PKHD1L1: variants seen among roughly 807,000 people sequenced by gnomAD.
PKHD1L1 encodes the protein PKHD1 like 1, also known as fibrocystin-L.
A neutral mutation model predicts 462.9 loss-of-function variants in PKHD1L1; 434 were observed. That is an observed-to-expected ratio of 0.94 (90% CI 0.87 to 1.02). The LOEUF is 1.02. Ranked by LOEUF, PKHD1L1 falls within the 50% of genes least tolerant of loss-of-function variation. The probability of loss-of-function intolerance (pLI) is 0.00; values close to 1 mark genes in which losing one functional copy is unlikely to be tolerated. For missense variants in PKHD1L1, 5,202 were observed against 5,096.1 expected, an observed-to-expected ratio of 1.02 and a Z score of -0.63; for synonymous variants, 1,781 against 1,750.0, an observed-to-expected ratio of 1.02 and a Z score of -0.44.
chr8:109,435,147 A>G lies in PKHD1L1; in HGVS notation c.3341-43A>G, dbSNP rs1181901110. ...AGCATAACTTTTATCTCATAAAACC[A>G]TTTGATTTACCATTTTCTTCATCTT... On this transcript the variant is annotated intron_variant, in intron 28 of 77. Coordinates refer to ENST00000378402, the MANE Select transcript of PKHD1L1 (RefSeq NM_177531.6). The G allele has an allele frequency of 6.9e-6, 11 of 1,604,580 alleles. No homozygotes were observed. In the East Asian group the frequency reaches 1.8e-4, roughly 26 times the overall value.
intron 68 of PKHD1L1, among the ~76,000 whole-genome samples, chr8:109,506,487 C>G (rs1461470831): frequency 6.6e-6 from 1 of 152,168 alleles, no homozygotes; most frequent in Non-Finnish European, 1.5e-5. Context: ...TCTTCTCCCC[C>G]TTTTGAGAGG....
intron 9 of PKHD1L1, among the ~76,000 whole-genome samples, chr8:109,392,091 T>A (rs1812739059): frequency 6.6e-6 from 1 of 152,198 alleles, no homozygotes; most frequent in Non-Finnish European, 1.5e-5. Context: ...TACATACGAC[T>A]TGATAAGACA....
chr8:109,452,686 T>C, intron 42 of PKHD1L1, 32 bp from the exon 43 acceptor site: 1 of 1,347,322 alleles, frequency 7.4e-7, no homozygotes, highest in Non-Finnish European at 9.6e-7. Flanking sequence ...GTAAAATCCC[T>C]AAATTTTAAG....
At position 109,381,242 on chromosome 8, in the gene PKHD1L1, G is replaced by T; in HGVS notation, c.164-128G>T. 6 of 818,628 alleles carry T rather than the reference G, an allele frequency of 7.3e-6. No homozygotes were observed. In the South Asian group the frequency reaches 1.1e-4, roughly 14 times the overall value. The allele number at this position is 818,628 out of a possible 1,614,324, so 50.7% of individuals were successfully genotyped here. A position where few individuals can be genotyped will look rare whatever the true frequency, so the allele number is the denominator to read the frequency against. On this transcript the variant is annotated intron_variant, in intron 2 of 77. Transcript: ENST00000378402. ...AGATTACAATCATAAGGATAAATAT[G>T]AAATAGGTTCACTGCTTCAGTAATG... is the stretch of plus-strand genomic sequence containing the variant.
chr8:109,490,877 TA>T, intron 60 of PKHD1L1, 94 bp from the exon 61 acceptor site: 1 of 1,132,826 alleles, frequency 8.8e-7, no homozygotes, highest in Non-Finnish European at 1.2e-6. Flanking sequence ...TGATTATTGA[TA>T]AAGGTTTGTT....
rs769555570 is a variant in PKHD1L1, at chr8:109,407,999, G to C, written c.1814-50G>C. 7.5e-6 allele frequency: 10 copies of C among 1,328,418 alleles called. No homozygotes were observed. The South Asian group carries it at 1.5e-4, about 20-fold the overall frequency. 82.3% of individuals were successfully genotyped at this position (1,328,418 alleles called of 1,614,324 possible). A position where few individuals can be genotyped will look rare whatever the true frequency, so the allele number is the denominator to read the frequency against. On this transcript the variant is annotated intron_variant, in intron 17 of 77. Transcript: ENST00000378402. ...TATAAAATATATAGTTTTATATATAGGCATTTTATTAGTTAATGTCTACAA... is the reference window on the plus strand; with the variant it reads ...TATAAAATATATAGTTTTATATATACGCATTTTATTAGTTAATGTCTACAA...
chr8:109,410,970 G>A (rs1381428532), intron 19 of PKHD1L1, among the ~76,000 whole-genome samples: 4 of 151,496 alleles, frequency 2.6e-5, no homozygotes, highest in African/African-American at 4.9e-5. Context: ...CTCGTGATCC[G>A]CACGTCTTGG....
chr8:109,485,078 A>G lies in PKHD1L1; in HGVS notation c.9611A>G (p.Tyr3204Cys). 21 of 1,603,090 alleles carry G rather than the reference A, an allele frequency of 1.3e-5. No individual in the cohort carries two copies. The highest frequency in any genetic ancestry group is 1.8e-5 in the Non-Finnish European group (21 of 1,174,514). ...GAGATTGTGATAACAACCACAAGCTACGATTTCCACCAGACAGAAACAAGA... is the reference window on the plus strand; with the variant it reads ...GAGATTGTGATAACAACCACAAGCTGCGATTTCCACCAGACAGAAACAAGA... ...GEEIVITTTS[Y>C]DFHQTETRSI... Residue 3204 changes from tyrosine (Y) to cysteine (C), a missense_variant, in exon 58 of 78, where the codon TAC becomes TGC. This residue lies in a region of PKHD1L1 where 4,497 missense variants were observed against 4,336.8 expected (regional missense o/e 1.04). Coordinates refer to ENST00000378402, the MANE Select transcript of PKHD1L1 (RefSeq NM_177531.6).
rs763610505 is a variant in PKHD1L1 at position 109,444,680 on chromosome 8, C to G, written c.4811C>G (p.Pro1604Arg). 4 of 1,612,866 alleles carry G rather than the reference C, an allele frequency of 2.5e-6. No individual in the cohort carries two copies. The highest frequency in any genetic ancestry group is 1.3e-5 in the African/African-American group (1 of 74,844). ...TTACAGGTTACAATTGGTAGCTACC[C>G]CTGTGTCGTAGAAGAAAGTAGTGAG... Reference protein sequence around the residue: ...WANKVTIGSYPCVVEESSEDS... With the variant: ...WANKVTIGSYRCVVEESSEDS... Residue 1604 changes from proline (P) to arginine (R), a missense_variant, in exon 38 of 78, where the codon CCC becomes CGC. By Grantham distance (103) the Pro-to-Arg change is moderately radical. This residue lies in a region of PKHD1L1 where 4,497 missense variants were observed against 4,336.8 expected (regional missense o/e 1.04). Transcript: ENST00000378402.
At chr8:109,517,001 AAGC>A (rs1470835750) in intron 72 of PKHD1L1, among the ~76,000 whole-genome samples, 23 of 152,128 alleles carry the variant, frequency 1.5e-4, no homozygotes, top group African/African-American at 5.5e-4. Flanking sequence ...GTAATGAAAA[AAGC>A]AGACATAGAT....
chr8:109,417,410 C>T (rs553573569), intron 21 of PKHD1L1, among the ~76,000 whole-genome samples: 21 of 152,158 alleles, frequency 1.4e-4, no homozygotes, highest in African/African-American at 4.8e-4. Context: ...AGATGTATTA[C>T]ATTTGATGGA....
intron 36 of PKHD1L1, 31 bp from the exon 37 acceptor site, chr8:109,443,645 A>G (rs1034901568): frequency 1.3e-6 from 2 of 1,509,892 alleles, no homozygotes; most frequent in African/African-American, 1.4e-5. Flanking sequence ...AATGTTATTC[A>G]TGACTTAACG....
chr8:109,425,967 T>C (rs1317697843), intron 24 of PKHD1L1, among the ~76,000 whole-genome samples: 1 of 152,130 alleles, frequency 6.6e-6, no homozygotes, highest in African/African-American at 2.4e-5. Flanking sequence ...ATGTATCTGG[T>C]TCACATTATT....
intron 2 of PKHD1L1, among the ~76,000 whole-genome samples, chr8:109,368,205 C>T (rs577269581): frequency 6.6e-6 from 1 of 152,124 alleles, no homozygotes; most frequent in South Asian, 2.1e-4. Context: ...TAACATTTTA[C>T]TTTTGGCTCC....
chr8:109,393,246 G>A (rs1812795518), intron 9 of PKHD1L1, among the ~76,000 whole-genome samples: 1 of 151,150 alleles, frequency 6.6e-6, no homozygotes, highest in African/African-American at 2.4e-5. Flanking sequence ...TAATGCCTGG[G>A]TTAGATTTAC....
chr8:109,439,066 C>T lies in PKHD1L1; in HGVS notation c.3930C>T (p.Val1310=), dbSNP rs1387051126. The T allele has an allele frequency of 6.2e-7, 1 of 1,612,890 alleles. No homozygotes were observed. Among genetic ancestry groups the T allele is most frequent in the East Asian group, 2.2e-5 (1 of 44,818 alleles). Residue 1310 remains valine, a synonymous_variant, in exon 32 of 78, where the codon GTC becomes GTT. Transcript: ENST00000378402. ...GAAAACATGATATCTATGTAGAAGT[C>T]AGAAACTGGGGTTTTGCATCAACAA... The part of the protein sequence containing the change: ...SPGKHDIYVE[V]RNWGFASTRD...
chr8:109,524,374 A>C (rs560822840), intron 76 of PKHD1L1, among the ~76,000 whole-genome samples: 15 of 152,274 alleles, frequency 9.9e-5, no homozygotes, highest in Non-Finnish European at 1.9e-4. Context: ...TAATTAAATG[A>C]TAATGTGTCC....
chr8:109,423,533 T>C (rs551157081), intron 23 of PKHD1L1, among the ~76,000 whole-genome samples: 2 of 152,322 alleles, frequency 1.3e-5, no homozygotes, highest in Admixed American at 6.5e-5. Flanking sequence ...ATCTGAATAG[T>C]TAGACTTAAC....
chr8:109,480,703 C>A, intron 55 of PKHD1L1: 3 of 428,680 alleles, frequency 7.0e-6, no homozygotes, highest in South Asian at 1.7e-5. Context: ...ATTGCTTAGC[C>A]AAAAAGCTAT....
Sources: allele counts gnomAD v4.1 joint callset (sites outside exome capture counted in the v4.1 genomes callset), GRCh38; gene constraint gnomAD v4.1.1; regional missense constraint gnomAD v4.1.1; transcripts MANE v1.5; gene names NCBI Gene and HGNC (gene_info 2026-07-23, HGNC 2026-07-21).